Variants in PPP1R9A observed in about 807,000 individuals in gnomAD.
The protein encoded by PPP1R9A is protein phosphatase 1 regulatory subunit 9A, also known as neurabin-1.
PPP1R9A carries 59 observed loss-of-function variants against 141.9 expected under a neutral mutation model. The ratio of observed to expected loss-of-function variants is 0.42; its 90% CI spans 0.34 to 0.52. PPP1R9A has a LOEUF of 0.52. Among genes scored for constraint, PPP1R9A ranks in the 20% least tolerant of loss-of-function variants. The pLI is 0.10. For missense variants in PPP1R9A, 1,444 were observed against 1,611.9 expected, an observed-to-expected ratio of 0.90 and a Z score of 1.78; for synonymous variants, 500 against 569.7, an observed-to-expected ratio of 0.88 and a Z score of 1.74.
At chr7:95,050,233 A>AT (rs1810602958) in intron 2 of PPP1R9A, among the ~76,000 whole-genome samples, 1 of 152,224 alleles carries the variant, frequency 6.6e-6, no homozygotes, top group South Asian at 2.1e-4. Flanking sequence ...TTCCCTAATG[A>AT]CATATGTGGA....
At chr7:94,920,924 C>T (rs752993030) in intron 2 of PPP1R9A, among the ~76,000 whole-genome samples, 2 of 152,128 alleles carry the variant, frequency 1.3e-5, no homozygotes, top group South Asian at 2.1e-4. Context: ...TTATTCACCT[C>T]GGATTTCTCC....
At chr7:95,038,704 AG>A (rs1169423865) in intron 2 of PPP1R9A, among the ~76,000 whole-genome samples, 2 of 152,196 alleles carry the variant, frequency 1.3e-5, no homozygotes, top group Admixed American at 1.3e-4. Context: ...CTAGAGACAA[AG>A]ACTCACTAAA....
chr7:95,158,532 A>T (rs1049014430), intron 4 of PPP1R9A, among the ~76,000 whole-genome samples: 1 of 152,138 alleles, frequency 6.6e-6, no homozygotes, highest in African/African-American at 2.4e-5. Context: ...CTTTTTATAA[A>T]CTTTGGGCAG....
At chr7:95,268,056 G>A (rs1801577556) in intron 12 of PPP1R9A, among the ~76,000 whole-genome samples, 2 of 152,066 alleles carry the variant, frequency 1.3e-5, no homozygotes, top group South Asian at 4.1e-4. Context: ...ATATTAAAAT[G>A]AAAATGATAT....
In PPP1R9A at chr7:95,161,963, C is replaced by A; in HGVS notation, c.1746C>A (p.Gly582=). 1 of 1,603,840 alleles carries A rather than the reference C, an allele frequency of 6.2e-7. No homozygotes were observed. Among genetic ancestry groups the A allele is most frequent in the East Asian group, 2.2e-5 (1 of 44,514 alleles). Residue 582 remains glycine (G), a synonymous_variant, in exon 5 of 20, where the codon GGC becomes GGA. Coordinates refer to ENST00000433360, the MANE Select transcript of PPP1R9A (RefSeq NM_001166160.2). ...FAATVLRNTK[G]NVRFVIGREK... is the part of the protein sequence containing the mutation. ...CAACAGTTCTCAGAAACACCAAGGGCAACGTCAGGTAAATACGTGCCTTCT... is the reference window on the plus strand; with the variant it reads ...CAACAGTTCTCAGAAACACCAAGGGAAACGTCAGGTAAATACGTGCCTTCT...
intron 14 of PPP1R9A, 122 bp downstream of exon 14, chr7:95,269,629 T>C: frequency 1.3e-6 from 1 of 744,776 alleles, no homozygotes; most frequent in Non-Finnish European, 1.9e-6. Context: ...TAATTTCTTT[T>C]TATATTATAG....
intron 2 of PPP1R9A, among the ~76,000 whole-genome samples, chr7:95,032,136 A>G (rs1337991236): frequency 6.6e-6 from 1 of 152,154 alleles, no homozygotes; most frequent in Admixed American, 6.6e-5. Context: ...TCCTGGTTTT[A>G]GGTCTTATTT....
chr7:95,244,900 T>C (rs994262426), intron 8 of PPP1R9A, among the ~76,000 whole-genome samples: 8 of 152,188 alleles, frequency 5.3e-5, no homozygotes, highest in Non-Finnish European at 1.2e-4. Context: ...TTATGACTTA[T>C]AAGGAACTGA....
chr7:95,086,223 T>G (rs1005393853), intron 2 of PPP1R9A, among the ~76,000 whole-genome samples: 3 of 152,038 alleles, frequency 2.0e-5, no homozygotes, highest in Non-Finnish European at 4.4e-5. Flanking sequence ...TACATATTGC[T>G]CTACACATTG....
Position 95,283,987 on chromosome 7 carries a change from A to G in PPP1R9A, c.3297-31A>G, listed in dbSNP as rs776946747. On this transcript the variant is annotated intron_variant, in intron 16 of 19. Coordinates refer to ENST00000433360, the MANE Select transcript of PPP1R9A (RefSeq NM_001166160.2). ...TAGGTCTTTTATCCGCCCTTTCTTT[A>G]TCTAACACACCCATTCTTTTCACAA... The G allele has an allele frequency of 1.8e-5, 27 of 1,508,980 alleles. No homozygotes were observed. The Admixed American group carries it at 1.9e-4, about 11-fold the overall frequency. The allele number at this position is 1,508,980 out of a possible 1,614,324, so 93.5% of individuals were successfully genotyped here. A position where few individuals can be genotyped will look rare whatever the true frequency, so the allele number is the denominator to read the frequency against.
rs760480300 is a variant in PPP1R9A, at chr7:95,250,291, T to C, written c.2396+36T>C. 4 of 1,529,648 alleles carry C rather than the reference T, an allele frequency of 2.6e-6. No homozygotes were observed. In the Admixed American group the frequency reaches 7.7e-5, roughly 29 times the overall value. The allele number at this position is 1,529,648 out of a possible 1,614,324, so 94.8% of individuals were successfully genotyped here. A position where few individuals can be genotyped will look rare whatever the true frequency, so the allele number is the denominator to read the frequency against. Reference sequence around the variant, plus strand: ...TCTAATAACTAAAGAATAGTTATGTTTGTCTAAAGAAGGTTTATGTCCAAT... The same window carrying C: ...TCTAATAACTAAAGAATAGTTATGTCTGTCTAAAGAAGGTTTATGTCCAAT... On this transcript the variant is annotated intron_variant, in intron 10 of 19. Coordinates refer to ENST00000433360, the MANE Select transcript of PPP1R9A (RefSeq NM_001166160.2).
chr7:95,185,279 A>G (rs1834469351), intron 5 of PPP1R9A, among the ~76,000 whole-genome samples: 1 of 151,972 alleles, frequency 6.6e-6, no homozygotes, highest in Admixed American at 6.6e-5. Flanking sequence ...TTCCCTGATC[A>G]TTAGTGATGT....
At chr7:95,047,685 A>G (rs1242737508) in intron 2 of PPP1R9A, among the ~76,000 whole-genome samples, 1 of 152,044 alleles carries the variant, frequency 6.6e-6, no homozygotes, top group Non-Finnish European at 1.5e-5. Context: ...TTTCCATTTA[A>G]ATTTGCAATA....
intron 4 of PPP1R9A, among the ~76,000 whole-genome samples, chr7:95,127,260 ACACCCTT>A (rs1347844466): frequency 6.6e-6 from 1 of 152,086 alleles, no homozygotes; most frequent in Non-Finnish European, 1.5e-5. Context: ...ATTTAAATGG[ACACCCTT>A]TTGATGAAAA....
chr7:95,021,266 GTCT>G (rs918194967), intron 2 of PPP1R9A, among the ~76,000 whole-genome samples: 2 of 150,352 alleles, frequency 1.3e-5, no homozygotes, highest in African/African-American at 4.9e-5. Context: ...CCGCATAAAT[GTCT>G]TCTTTTGAAA....
At chr7:95,019,114 G>T (rs1432332386) in intron 2 of PPP1R9A, among the ~76,000 whole-genome samples, 1 of 152,172 alleles carries the variant, frequency 6.6e-6, no homozygotes, top group Admixed American at 6.5e-5. Flanking sequence ...GAAAAAATAG[G>T]CTGGGCGTGG....
intron 7 of PPP1R9A, among the ~76,000 whole-genome samples, chr7:95,211,244 C>A (rs1792065320): frequency 6.6e-6 from 1 of 151,920 alleles, no homozygotes; most frequent in South Asian, 2.1e-4. Flanking sequence ...TGAGATGGGT[C>A]AACTTGAACT....
chr7:94,909,668 G>A (rs182032180), intron 1 of PPP1R9A, among the ~76,000 whole-genome samples: 1 of 149,856 alleles, frequency 6.7e-6, no homozygotes, highest in East Asian at 2.0e-4. Context: ...TTGTGTGTGT[G>A]TGAGATTTTG....
At chr7:94,977,805 C>G (rs1406580335) in intron 2 of PPP1R9A, among the ~76,000 whole-genome samples, 10 of 151,192 alleles carry the variant, frequency 6.6e-5, no homozygotes, top group Non-Finnish European at 1.2e-4. Flanking sequence ...CTCTGTCACC[C>G]AGGCTGGAGT....
Sources: allele counts gnomAD v4.1 joint callset (sites outside exome capture counted in the v4.1 genomes callset), GRCh38; gene constraint gnomAD v4.1.1; transcripts MANE v1.5; gene names NCBI Gene and HGNC (gene_info 2026-07-23, HGNC 2026-07-21).